IL1RAPL2: variants seen among roughly 807,000 people sequenced by gnomAD.
The protein encoded by IL1RAPL2 is interleukin 1 receptor accessory protein like 2.
A neutral mutation model predicts 44.1 loss-of-function variants in IL1RAPL2; 3 were observed. The ratio of observed to expected loss-of-function variants is 0.07; its 90% confidence interval spans 0.03 to 0.18. The LOEUF (loss-of-function observed/expected upper bound fraction) is 0.18. IL1RAPL2 is among the 10% of genes least tolerant of loss of function. The pLI is 1.00. For missense variants in IL1RAPL2, 391 were observed against 496.4 expected, an observed-to-expected ratio of 0.79 and a Z score of 2.02; for synonymous variants, 181 against 178.8, an observed-to-expected ratio of 1.01 and a Z score of -0.10.
chrX:104,932,510 T>G (rs1394221277), intron 2 of IL1RAPL2, among the ~76,000 whole-genome samples: 1 of 111,351 alleles, frequency 9.0e-6, no homozygotes, highest in Admixed American at 9.6e-5. Context: ...AATTCCAGTT[T>G]CTCTAGAAAA....
intron 1 of IL1RAPL2, chrX:104,647,520 A>C: frequency 1.9e-6 from 1 of 529,383 alleles, no homozygotes. Flanking sequence ...ATGAGCCCAA[A>C]GGTGGCTGCT....
At chrX:104,808,165 A>G (rs762442701) in intron 2 of IL1RAPL2, among the ~76,000 whole-genome samples, 120 of 112,475 alleles carry the variant, frequency 1.1e-3, no homozygotes, top group Non-Finnish European at 2.0e-3. Flanking sequence ...ATTAGGAAAA[A>G]TCATTCCTGA....
intron 5 of IL1RAPL2, among the ~76,000 whole-genome samples, chrX:105,387,639 CAT>C (rs1007241662): frequency 9.0e-5 from 10 of 111,643 alleles, no homozygotes; most frequent in African/African-American, 3.2e-4. Context: ...TACTATGAAA[CAT>C]ATAAAATTGT....
intron 6 of IL1RAPL2, among the ~76,000 whole-genome samples, chrX:105,707,683 C>T (rs760272426): frequency 8.9e-6 from 1 of 112,037 alleles, no homozygotes; most frequent in South Asian, 3.7e-4. Flanking sequence ...TTTCTCTGCT[C>T]ATTGTAAACT....
chrX:105,597,525 A>G (rs1211884073), intron 6 of IL1RAPL2, among the ~76,000 whole-genome samples: 1 of 111,284 alleles, frequency 9.0e-6, no homozygotes, highest in Non-Finnish European at 1.9e-5. Context: ...TAGGCATGTC[A>G]CATAGTGAAA....
chrX:105,596,081 A>C (rs1295647617), intron 6 of IL1RAPL2, among the ~76,000 whole-genome samples: 1 of 107,318 alleles, frequency 9.3e-6, no homozygotes, highest in Non-Finnish European at 1.9e-5. Context: ...ATTTTAAAAA[A>C]CTCGGTTTTC....
intron 5 of IL1RAPL2, among the ~76,000 whole-genome samples, chrX:105,321,584 A>C (rs764430693): frequency 5.0e-4 from 56 of 112,222 alleles, no homozygotes; most frequent in African/African-American, 1.7e-3. Flanking sequence ...TGTGAAGCTG[A>C]CGCTGTCCCA....
At chrX:104,611,393 G>A (rs1294335988) in intron 1 of IL1RAPL2, among the ~76,000 whole-genome samples, 2 of 111,022 alleles carry the variant, frequency 1.8e-5, no homozygotes, top group South Asian at 7.6e-4. Context: ...GCCTTGCTGA[G>A]CTGTGGTGGG....
At chrX:105,311,641 C>CATATAT (rs111798589) in intron 5 of IL1RAPL2, among the ~76,000 whole-genome samples, 1 of 101,535 alleles carries the variant, frequency 9.8e-6, no homozygotes, top group Non-Finnish European at 2.0e-5. Context: ...CACACACACA[C>CATATAT]ATATATATAT....
intron 5 of IL1RAPL2, among the ~76,000 whole-genome samples, chrX:105,357,605 A>C (rs2035212802): frequency 9.0e-6 from 1 of 110,855 alleles, no homozygotes; most frequent in South Asian, 3.8e-4. Context: ...AATTGTTCAT[A>C]AATGAATAAA....
At chrX:104,920,970 T>C (rs1287732037) in intron 2 of IL1RAPL2, among the ~76,000 whole-genome samples, 2 of 110,940 alleles carry the variant, frequency 1.8e-5, no homozygotes, top group Non-Finnish European at 3.8e-5. Context: ...GAAGTGAGGC[T>C]GCCTGCTTGG....
At chrX:105,751,002 T>G (rs974494288) in intron 9 of IL1RAPL2, among the ~76,000 whole-genome samples, 3 of 111,664 alleles carry the variant, frequency 2.7e-5, no homozygotes, top group African/African-American at 9.8e-5. Flanking sequence ...CCAGGCACAG[T>G]AGCTCACAAA....
At chrX:104,848,501 A>C (rs1360113936) in intron 2 of IL1RAPL2, among the ~76,000 whole-genome samples, 1 of 102,253 alleles carries the variant, frequency 9.8e-6, no homozygotes, top group Non-Finnish European at 2.0e-5. Flanking sequence ...TTATTGTTCT[A>C]AACCTATATT....
intron 5 of IL1RAPL2, among the ~76,000 whole-genome samples, chrX:105,295,619 T>G (rs1238007508): frequency 9.0e-6 from 1 of 111,618 alleles, no homozygotes; most frequent in African/African-American, 3.3e-5. Context: ...TTGAATAGAG[T>G]AGAAACTTTC....
At chrX:105,532,492 A>AT (rs59548118) in intron 6 of IL1RAPL2, among the ~76,000 whole-genome samples, 7,193 of 107,659 alleles carry the variant, frequency 0.067, 623 homozygotes, top group African/African-American at 0.23. Context: ...ATTTACTTTG[A>AT]TTTTTTTTTT....
intron 1 of IL1RAPL2, among the ~76,000 whole-genome samples, chrX:104,584,649 T>A (rs1194930153): frequency 9.0e-6 from 1 of 111,166 alleles, no homozygotes; most frequent in African/African-American, 3.3e-5. Flanking sequence ...ACCATGGGTT[T>A]TTGGTGAACC....
chrX:105,657,678 G>A (rs769467837), intron 6 of IL1RAPL2, among the ~76,000 whole-genome samples: 4 of 112,012 alleles, frequency 3.6e-5, no homozygotes, highest in Admixed American at 9.4e-5. Flanking sequence ...GCAATGGCAC[G>A]ATCTTGGCTC....
At position 104,684,569 on chromosome X, in the gene IL1RAPL2, G is replaced by A. The variant is rs747385638; in HGVS notation, c.82+25574G>A. 3.6e-5 allele frequency among the ~76,000 whole-genome samples: 4 copies of A among 112,361 alleles called. No homozygotes were observed. In the South Asian group the frequency reaches 1.5e-3, roughly 42 times the overall value. ...TATAAAATGTCAGAGTGGGGCTTGT[G>A]CCTTGCCCTGATCTTTAGGGTCATC... On this transcript the variant is annotated intron_variant, in intron 2 of 10. Transcript: ENST00000372582.
At chrX:104,695,454 G>A (rs1435956057) in intron 2 of IL1RAPL2, among the ~76,000 whole-genome samples, 2 of 110,875 alleles carry the variant, frequency 1.8e-5, no homozygotes, top group Admixed American at 1.9e-4. Flanking sequence ...ATATGTTTAT[G>A]TATGGCTAAT....
Sources: gnomAD v4.1 joint callset for allele counts (sites outside exome capture counted in the v4.1 genomes callset) on GRCh38, gnomAD v4.1.1 for gene constraint, MANE v1.5 for transcripts, NCBI Gene and HGNC (gene_info 2026-07-23, HGNC 2026-07-21) for gene names.